Variants in GNA14 observed in about 807,000 individuals in gnomAD.
The protein encoded by GNA14 is guanine nucleotide-binding protein subunit alpha-14.
A neutral mutation model predicts 42.0 loss-of-function variants in GNA14; 50 were observed. The observed-to-expected ratio is 1.19, with a 90% CI of 0.95 to 1.51. GNA14 has a LOEUF of 1.51. GNA14 is among the 40% of genes most tolerant of loss of function. The pLI is 0.00. For synonymous variants in GNA14, 173 were observed against 163.1 expected (o/e 1.06, Z -0.46); for missense variants, 473 against 446.2 (o/e 1.06, Z -0.54).
chr9:77,500,437 G>C (rs193237195), intron 2 of GNA14, among the ~76,000 whole-genome samples: 4 of 152,312 alleles, frequency 2.6e-5, no homozygotes, highest in African/African-American at 9.6e-5. Flanking sequence ...AGTACAGAGA[G>C]ATCTTGTATA....
intron 1 of GNA14, among the ~76,000 whole-genome samples, chr9:77,547,836 A>T (rs1167959081): frequency 6.6e-6 from 1 of 152,220 alleles, no homozygotes. Context: ...AGTATAACAC[A>T]TCATCATTTG....
chr9:77,565,606 C>T (rs778122256), intron 1 of GNA14, among the ~76,000 whole-genome samples: 19 of 151,952 alleles, frequency 1.3e-4, no homozygotes, highest in Admixed American at 2.0e-4. Context: ...TACAGGCATG[C>T]GCCGCCATGC....
intron 2 of GNA14, among the ~76,000 whole-genome samples, chr9:77,498,484 C>T (rs897361261): frequency 6.6e-6 from 1 of 152,006 alleles, no homozygotes; most frequent in Non-Finnish European, 1.5e-5. Flanking sequence ...GGGCCAAGCC[C>T]GTAGGAGCTA....
intron 2 of GNA14, among the ~76,000 whole-genome samples, chr9:77,515,860 T>TGAA (rs142765478): frequency 0.011 from 1,566 of 148,392 alleles, 23 homozygotes; most frequent in African/African-American, 0.035. Context: ...GTTAGGAGGC[T>TGAA]GAAGTGGGAG....
intron 1 of GNA14, among the ~76,000 whole-genome samples, chr9:77,592,892 T>C (rs1156593993): frequency 2.6e-5 from 4 of 152,166 alleles, no homozygotes; most frequent in Admixed American, 6.6e-5. Flanking sequence ...GGCATTTGAT[T>C]AACACTTTTA....
At chr9:77,593,215 T>C (rs55832200) in intron 1 of GNA14, among the ~76,000 whole-genome samples, 457 of 152,346 alleles carry the variant, frequency 3.0e-3, no homozygotes, top group Non-Finnish European at 4.3e-3. Context: ...TTGTCAGAGA[T>C]GTTATTCCCT....
Position 77,533,202 on chromosome 9 carries a change from A to C in GNA14, c.125-3949T>G, listed in dbSNP as rs1292618656. 2.6e-5 allele frequency among the ~76,000 whole-genome samples: 4 copies of C among 152,310 alleles called. No individual in the cohort carries two copies. The East Asian group carries it at 7.7e-4, about 29-fold the overall frequency. On this transcript the variant is annotated intron_variant, in intron 1 of 6. Transcript: ENST00000341700. The stretch of plus-strand genomic sequence containing the variant: ...CCATATATATATATTTTGGAGACAG[A>C]GTCTTGCTCTGTTGCTCAGACTGGA...
At chr9:77,475,228 T>C (rs1249094053) in intron 2 of GNA14, among the ~76,000 whole-genome samples, 1 of 152,154 alleles carries the variant, frequency 6.6e-6, no homozygotes, top group Non-Finnish European at 1.5e-5. Flanking sequence ...ACTATTGATA[T>C]AAACCCTCTT....
chr9:77,575,956 CAGG>C (rs1823121610), intron 1 of GNA14, among the ~76,000 whole-genome samples: 1 of 152,178 alleles, frequency 6.6e-6, no homozygotes, highest in Admixed American at 6.5e-5. Flanking sequence ...AAAGGGGTTT[CAGG>C]AGAAGGGGGT....
intron 2 of GNA14, among the ~76,000 whole-genome samples, chr9:77,509,462 C>T (rs950316582): frequency 6.6e-6 from 1 of 152,188 alleles, no homozygotes; most frequent in African/African-American, 2.4e-5. Context: ...TTTGGGTTTA[C>T]ACCCAAAAGT....
chr9:77,645,200 A>C (rs1038267118), intron 1 of GNA14, among the ~76,000 whole-genome samples: 5 of 152,228 alleles, frequency 3.3e-5, no homozygotes, highest in African/African-American at 7.2e-5. Flanking sequence ...TACTCCACAA[A>C]AGGATTCCAA....
chr9:77,494,688 A>C (rs1012807448), intron 2 of GNA14, among the ~76,000 whole-genome samples: 5 of 152,248 alleles, frequency 3.3e-5, no homozygotes, highest in Non-Finnish European at 7.3e-5. Context: ...CTACAAGGAA[A>C]TATTGAGCTG....
intron 1 of GNA14, among the ~76,000 whole-genome samples, chr9:77,620,383 A>T (rs1256713356): frequency 6.6e-6 from 1 of 152,234 alleles, no homozygotes; most frequent in African/African-American, 2.4e-5. Flanking sequence ...TGAAAGTTTA[A>T]AAGTATTAAA....
At chr9:77,441,094 CT>C (rs1835727041) in intron 2 of GNA14, among the ~76,000 whole-genome samples, 4 of 152,110 alleles carry the variant, frequency 2.6e-5, no homozygotes, top group African/African-American at 7.2e-5. Context: ...CAAATTGCTC[CT>C]GTCTTAATAT....
At chr9:77,450,666 C>A (rs907480304) in intron 2 of GNA14, among the ~76,000 whole-genome samples, 1 of 151,224 alleles carries the variant, frequency 6.6e-6, no homozygotes, top group Non-Finnish European at 1.5e-5. Flanking sequence ...TCTAGTGGCC[C>A]GTGTAATTTT....
At chr9:77,564,114 G>C (rs1270330117) in intron 1 of GNA14, among the ~76,000 whole-genome samples, 1 of 151,978 alleles carries the variant, frequency 6.6e-6, no homozygotes, top group Non-Finnish European at 1.5e-5. Context: ...ACCTTCCACC[G>C]GATCCTTATC....
At chr9:77,500,425 A>G (rs1441883510) in intron 2 of GNA14, among the ~76,000 whole-genome samples, 1 of 152,262 alleles carries the variant, frequency 6.6e-6, no homozygotes, top group African/African-American at 2.4e-5. Flanking sequence ...TTGTAAAAAA[A>G]TAGTACAGAG....
intron 1 of GNA14, among the ~76,000 whole-genome samples, chr9:77,533,531 T>C (rs765682869): frequency 1.3e-5 from 2 of 152,200 alleles, no homozygotes; most frequent in South Asian, 2.1e-4. Flanking sequence ...ACTGCAACTG[T>C]CCTTTGTCAT....
At chr9:77,528,437 C>G (rs984154163) in intron 2 of GNA14, among the ~76,000 whole-genome samples, 4 of 152,244 alleles carry the variant, frequency 2.6e-5, no homozygotes, top group Admixed American at 2.6e-4. Context: ...ACTTCCTCTT[C>G]CTCTCTCTTT....
Sources: allele counts gnomAD v4.1 joint callset (sites outside exome capture counted in the v4.1 genomes callset), GRCh38; gene constraint gnomAD v4.1.1; transcripts MANE v1.5; gene names NCBI Gene and HGNC (gene_info 2026-07-23, HGNC 2026-07-21).